Variants in OR10AG1 observed in about 807,000 individuals in gnomAD.
The protein encoded by OR10AG1 is olfactory receptor family 10 subfamily AG member 1.
For synonymous variants in OR10AG1, 147 were observed against 128.6 expected (o/e 1.14, Z -0.97); for missense variants, 433 against 376.5 (o/e 1.15, Z -1.24).
At position 55,968,267 on chromosome 11, in the gene OR10AG1, G is replaced by A. The variant is rs889961163; in HGVS notation, c.257C>T (p.Thr86Ile). ...NFSLLEICYV[T>I]IIIPRMLMDI... ...CATGAGCATTCTTGGGATAATGATT[G>A]TTACATAACAGATTTCCAAAAGGGA... The change falls in exon 2 of 2, where the codon ACA becomes ATA. Residue 86 changes from threonine to isoleucine, a missense_variant. Physicochemically the swap from Thr to Ile is moderately conservative, Grantham distance 89. Transcript: ENST00000641071. 3 of 1,613,022 alleles carry A rather than the reference G, an allele frequency of 1.9e-6. No homozygotes were observed. The African/African-American group carries it at 4.0e-5, about 22-fold the overall frequency.
In OR10AG1 at chr11:55,968,462, A is replaced by G. The variant is rs1193561170; in HGVS notation, c.62T>C (p.Met21Thr). The G allele has an allele frequency of 5.2e-6, 8 of 1,542,412 alleles. No individual in the cohort carries two copies. The East Asian group carries it at 1.1e-4, about 22-fold the overall frequency. The change falls in exon 2 of 2, where the codon ATG becomes ACG. Residue 21 changes from methionine to threonine, a missense_variant. Met to Thr is a moderately conservative substitution (Grantham distance 81, BLOSUM62 -1). Coordinates refer to ENST00000641071, the MANE Select transcript of OR10AG1 (RefSeq NM_001005491.2). ...KREKSNVTTI[M>T]EFVLLGFSDI... ...AGAAAACCCCAAAAGAACAAATTCC[A>G]TTATTGTAGTCACATTTGATTTTTC...
chr11:55,968,093 G>A lies in OR10AG1; in HGVS notation c.431C>T (p.Pro144Leu). ...GCAGACTTTGTGGTTCATCACTAGA[G>A]GATACTGCAAAGGCTTACAAATAGC... Reference protein sequence around the residue: ...YVAICKPLQYPLVMNHKVCIQ... With the variant: ...YVAICKPLQYLLVMNHKVCIQ... The change falls in exon 2 of 2, where the codon CCT becomes CTT. Residue 144 changes from proline to leucine, a missense_variant. Coordinates refer to ENST00000641071, the MANE Select transcript of OR10AG1 (RefSeq NM_001005491.2). The A allele has an allele frequency of 6.2e-7, 1 of 1,614,054 alleles. No individual in the cohort carries two copies. Among genetic ancestry groups the A allele is most frequent in the Non-Finnish European group, 8.5e-7 (1 of 1,179,988 alleles).
Position 55,968,382 on chromosome 11 carries a change from T to C in OR10AG1, c.142A>G (p.Met48Val), listed in dbSNP as rs769166599. The C allele has an allele frequency of 5.6e-6, 9 of 1,605,024 alleles. No homozygotes were observed. The highest frequency in any genetic ancestry group is 6.0e-6 in the Non-Finnish European group (7 of 1,173,096). Residue 48 changes from methionine (M) to valine (V), a missense_variant, in exon 2 of 2, where the codon ATG becomes GTG. Physicochemically the swap from Met to Val is conservative, Grantham distance 21. Coordinates refer to ENST00000641071, the MANE Select transcript of OR10AG1 (RefSeq NM_001005491.2). Reference sequence around the variant, plus strand: ...ATGATGCCATTGCACATCAGGATCATCAAATACATAAGTAAAAATATACTA... The same window carrying C: ...ATGATGCCATTGCACATCAGGATCACCAAATACATAAGTAAAAATATACTA... ...LFSIFLLMYLMILMCNGIIIL... is the reference protein window; with the variant it reads ...LFSIFLLMYLVILMCNGIIIL...
rs1852684202 is a variant in OR10AG1 at position 55,965,959 on chromosome 11, G to T, written c.*1599C>A. The T allele has an allele frequency of 6.6e-6, 1 of 151,608 alleles. No individual in the cohort carries two copies. The allele number at this position is 151,608 out of a possible 1,614,324, so 9.4% of individuals were successfully genotyped here. On this transcript the variant is annotated 3_prime_UTR_variant, in exon 2 of 2. Coordinates refer to ENST00000641071, the MANE Select transcript of OR10AG1 (RefSeq NM_001005491.2). ...TGAAATTATAGTTGCTATTATTATT[G>T]GTTTTACAAAAATGATGTTATATTT...
Position 55,967,685 on chromosome 11 carries a change from C to T in OR10AG1, c.839G>A (p.Arg280Lys). 6.2e-7 allele frequency: 1 copy of T among 1,613,504 alleles called. No homozygotes were observed. Among genetic ancestry groups the T allele is most frequent in the Admixed American group, 1.7e-5 (1 of 60,016 alleles). The change falls in exon 2 of 2, where the codon AGG becomes AAG. Residue 280 changes from arginine to lysine, a missense_variant. By Grantham distance (26) the Arg-to-Lys change is conservative. Transcript: ENST00000641071. ...GAAAAGAGAAATCAGTTTCCCCATC[C>T]TTTGAAACTGATGTGGTTTGGGCTG... is the stretch of plus-strand genomic sequence containing the variant. ...YLQPKPHQFQ[R>K]MGKLISLFYT...
At position 55,968,523 on chromosome 11, in the gene OR10AG1, A is replaced by C; in HGVS notation, c.17-16T>G. The C allele has an allele frequency of 9.5e-7, 1 of 1,054,472 alleles. No individual in the cohort carries two copies. The highest frequency in any genetic ancestry group is 1.4e-6 in the Non-Finnish European group (1 of 716,506). The allele number at this position is 1,054,472 out of a possible 1,614,324, so 65.3% of individuals were successfully genotyped here. A position where few individuals can be genotyped will look rare whatever the true frequency, so the allele number is the denominator to read the frequency against. On this transcript the variant is annotated splice_polypyrimidine_tract_variant and intron_variant, in intron 1 of 1. Transcript: ENST00000641071. ...TGCTCTCCATCTGCAGATATAGCAA[A>C]TTCAAGACAGTTAATTCATCCATAT...
At position 55,967,537 on chromosome 11, in the gene OR10AG1, C is replaced by T. The variant is rs770536978; in HGVS notation, c.*21G>A. The T allele has an allele frequency of 1.4e-6, 2 of 1,458,830 alleles. No individual in the cohort carries two copies. The highest frequency in any genetic ancestry group is 1.3e-5 in the South Asian group (1 of 77,992). The allele number at this position is 1,458,830 out of a possible 1,614,324, so 90.4% of individuals were successfully genotyped here. A position where few individuals can be genotyped will look rare whatever the true frequency, so the allele number is the denominator to read the frequency against. On this transcript the variant is annotated 3_prime_UTR_variant, in exon 2 of 2. Coordinates refer to ENST00000641071, the MANE Select transcript of OR10AG1 (RefSeq NM_001005491.2). The stretch of plus-strand genomic sequence containing the variant: ...TGACAAACCTATAAAGAAATTATTT[C>T]TGTAATTTCAAGTCTTCATCTCATG...
Position 55,967,682 on chromosome 11 carries a change from A to C in OR10AG1, c.842T>G (p.Met281Arg). The change falls in exon 2 of 2, where the codon ATG becomes AGG. Residue 281 changes from methionine (M) to arginine (R), a missense_variant. Physicochemically the swap from Met to Arg is moderately conservative, Grantham distance 91. Transcript: ENST00000641071. Reference sequence around the variant, plus strand: ...GTAGAAAAGAGAAATCAGTTTCCCCATCCTTTGAAACTGATGTGGTTTGGG... The same window carrying C: ...GTAGAAAAGAGAAATCAGTTTCCCCCTCCTTTGAAACTGATGTGGTTTGGG... ...LQPKPHQFQRMGKLISLFYTI... is the reference protein window; with the variant it reads ...LQPKPHQFQRRGKLISLFYTI... The C allele has an allele frequency of 1.2e-6, 2 of 1,613,294 alleles. No homozygotes were observed. The highest frequency in any genetic ancestry group is 2.2e-5 in the South Asian group (2 of 91,066).
intron 1 of OR10AG1, among the ~76,000 whole-genome samples, chr11:55,969,198 TC>T (rs1852720797): frequency 6.6e-6 from 1 of 150,976 alleles, no homozygotes; most frequent in African/African-American, 2.4e-5. Context: ...TTTTTACATT[TC>T]TTTTTTTTAT....
rs1041019985 is a variant in OR10AG1 at position 55,967,260 on chromosome 11, C to A, written c.*298G>T. 8.3e-6 allele frequency: 2 copies of A among 239,906 alleles called. No homozygotes were observed. Among genetic ancestry groups the A allele is most frequent in the Non-Finnish European group, 1.6e-5 (2 of 124,454 alleles). 14.9% of individuals were successfully genotyped at this position (239,906 alleles called of 1,614,324 possible). Reference sequence around the variant, plus strand: ...ATGTATTACAGAGCCTGATCCTAACCCCTAATTATATGACTCACTCAGTTA... The same window carrying A: ...ATGTATTACAGAGCCTGATCCTAACACCTAATTATATGACTCACTCAGTTA... On this transcript the variant is annotated 3_prime_UTR_variant, in exon 2 of 2. Coordinates refer to ENST00000641071, the MANE Select transcript of OR10AG1 (RefSeq NM_001005491.2).
At position 55,967,728 on chromosome 11, in the gene OR10AG1, C is replaced by T. The variant is rs776271819; in HGVS notation, c.796G>A (p.Gly266Ser). ...TTGGGCTGTAAATAAGTGATAGTAC[C>T]TGCTCCAAAGAATAAGATTACAACT... is the stretch of plus-strand genomic sequence containing the variant. ...LIVVILFFGAGTITYLQPKPH... is the reference protein window; with the variant it reads ...LIVVILFFGASTITYLQPKPH... The change falls in exon 2 of 2, where the codon GGT becomes AGT. Residue 266 changes from glycine (G) to serine (S), a missense_variant. Transcript: ENST00000641071. 5.9e-5 allele frequency: 96 copies of T among 1,613,766 alleles called. No individual in the cohort carries two copies. Among genetic ancestry groups the T allele is most frequent in the Middle Eastern group, 1.6e-4 (1 of 6,084 alleles).
rs745854593 is a variant in OR10AG1 at position 55,967,707 on chromosome 11, G to A, written c.817C>T (p.Pro273Ser). 5.6e-6 allele frequency: 9 copies of A among 1,613,790 alleles called. No individual in the cohort carries two copies. Among genetic ancestry groups the A allele is most frequent in the Middle Eastern group, 3.3e-4 (2 of 6,082 alleles). Residue 273 changes from proline (P) to serine (S), a missense_variant, in exon 2 of 2, where the codon CCC becomes TCC. Coordinates refer to ENST00000641071, the MANE Select transcript of OR10AG1 (RefSeq NM_001005491.2). ...FGAGTITYLQ[P>S]KPHQFQRMGK... ...ATCCTTTGAAACTGATGTGGTTTGGGCTGTAAATAAGTGATAGTACCTGCT... is the reference window on the plus strand; with the variant it reads ...ATCCTTTGAAACTGATGTGGTTTGGACTGTAAATAAGTGATAGTACCTGCT...
At chr11:55,969,867 G>C in intron 1 of OR10AG1, 25 bp downstream of exon 1, 2 of 398,234 alleles carry the variant, frequency 5.0e-6, no homozygotes, top group Non-Finnish European at 4.4e-6. Flanking sequence ...AAATAAAATA[G>C]TCTGTCAACC....
chr11:55,967,718 G>A lies in OR10AG1; in HGVS notation c.806C>T (p.Thr269Ile), dbSNP rs551824128. The A allele has an allele frequency of 6.8e-6, 11 of 1,613,976 alleles. No individual in the cohort carries two copies. In the East Asian group the frequency reaches 1.8e-4, roughly 26 times the overall value. The change falls in exon 2 of 2, where the codon ACT becomes ATT. Residue 269 changes from threonine to isoleucine, a missense_variant. Thr to Ile is a moderately conservative substitution (Grantham distance 89). Coordinates refer to ENST00000641071, the MANE Select transcript of OR10AG1 (RefSeq NM_001005491.2). ...VILFFGAGTI[T>I]YLQPKPHQFQ... Reference sequence around the variant, plus strand: ...CTGATGTGGTTTGGGCTGTAAATAAGTGATAGTACCTGCTCCAAAGAATAA... The same window carrying A: ...CTGATGTGGTTTGGGCTGTAAATAAATGATAGTACCTGCTCCAAAGAATAA...
intron 1 of OR10AG1, 131 bp downstream of exon 1, chr11:55,969,761 A>T (rs61896170): frequency 0.067 from 26,573 of 394,276 alleles, 1,135 homozygotes; most frequent in Non-Finnish European, 0.083. Context: ...ACATGATTTA[A>T]ATGTTAAATA....
rs1361128212 is a variant in OR10AG1 at position 55,968,027 on chromosome 11, A to G, written c.497T>C (p.Val166Ala). Residue 166 changes from valine to alanine, a missense_variant, in exon 2 of 2, where the codon GTA (valine) becomes GCA (alanine). Coordinates refer to ENST00000641071, the MANE Select transcript of OR10AG1 (RefSeq NM_001005491.2). The part of the protein sequence containing the change: ...IIASWTITIP[V>A]VIGETCQIFL... ...AATTTGGCATGTTTCCCCAATTACT[A>G]CAGGAATTGTGATGGTCCAGGAAGC... is the stretch of plus-strand genomic sequence containing the variant. 6.8e-6 allele frequency: 11 copies of G among 1,613,516 alleles called. No individual in the cohort carries two copies. Among genetic ancestry groups the G allele is most frequent in the South Asian group, 2.2e-5 (2 of 91,084 alleles).
In OR10AG1 at chr11:55,967,920, T is replaced by C; in HGVS notation, c.604A>G (p.Asn202Asp). 6.2e-7 allele frequency: 1 copy of C among 1,614,096 alleles called. No homozygotes were observed. The highest frequency in any genetic ancestry group is 2.2e-5 in the East Asian group (1 of 44,878). The change falls in exon 2 of 2, where the codon AAC becomes GAC. Residue 202 changes from asparagine to aspartate, a missense_variant. Physicochemically the swap from Asn to Asp is conservative, Grantham distance 23. Coordinates refer to ENST00000641071, the MANE Select transcript of OR10AG1 (RefSeq NM_001005491.2). ...IPPILKLACG[N>D]IFVNEITVHV... is the part of the protein sequence containing the mutation. The stretch of plus-strand genomic sequence containing the variant: ...ACTGTTATCTCATTCACAAATATGT[T>C]TCCACAAGCAAGCTTGAGTATTGGC...
At position 55,968,376 on chromosome 11, in the gene OR10AG1, G is replaced by C. The variant is rs1821941413; in HGVS notation, c.148C>G (p.Leu50Val). The change falls in exon 2 of 2, where the codon CTG becomes GTG. Residue 50 changes from leucine to valine, a missense_variant. Coordinates refer to ENST00000641071, the MANE Select transcript of OR10AG1 (RefSeq NM_001005491.2). ...AGTATTATGATGCCATTGCACATCA[G>C]GATCATCAAATACATAAGTAAAAAT... ...SIFLLMYLMI[L>V]MCNGIIILLI... 1 of 1,605,766 alleles carries C rather than the reference G, an allele frequency of 6.2e-7. No homozygotes were observed. The highest frequency in any genetic ancestry group is 1.3e-5 in the African/African-American group (1 of 74,560).
Position 55,968,290 on chromosome 11 carries a change from G to T in OR10AG1, c.234C>A (p.Ser78=), listed in dbSNP as rs374340251. ...TPMYFFLSNF[S]LLEICYVTII... ...TTGTTACATAACAGATTTCCAAAAG[G>T]GAAAAATTGCTAAGAAAAAAATACA... The change falls in exon 2 of 2, where the codon TCC becomes TCA. Residue 78 remains serine (S), a synonymous_variant. Transcript: ENST00000641071. 10 of 1,613,502 alleles carry T rather than the reference G, an allele frequency of 6.2e-6. No homozygotes were observed. The African/African-American group carries it at 1.3e-4, about 22-fold the overall frequency.
Sources: allele counts gnomAD v4.1 joint callset (sites outside exome capture counted in the v4.1 genomes callset), GRCh38; gene constraint gnomAD v4.1.1; transcripts MANE v1.5; gene names NCBI Gene and HGNC (gene_info 2026-07-23, HGNC 2026-07-21).